Variants in GBP4 observed in about 807,000 individuals in gnomAD.
GBP4 encodes guanylate-binding protein 4.
In GBP4, 69 loss-of-function variants were observed where a neutral mutation model predicts 62.2. The observed-to-expected ratio is 1.11, with a 90% CI of 0.91 to 1.36. GBP4 has a LOEUF of 1.36. Ranked by LOEUF, GBP4 falls within the 40% of genes most tolerant of loss-of-function variation. GBP4 has a pLI of 0.00. For synonymous variants in GBP4, 278 were observed against 274.6 expected, an observed-to-expected ratio of 1.01 and a Z score of -0.12; for missense variants, 697 against 759.3, an observed-to-expected ratio of 0.92 and a Z score of 0.96.
Position 89,185,255 on chromosome 1 carries a change from TAAA to T in GBP4, c.1919_1921del (p.Ile640_Ter641delinsLys). 6.3e-7 allele frequency: 1 copy of T among 1,579,684 alleles called. No homozygotes were observed. Among genetic ancestry groups the T allele is most frequent in the South Asian group, 1.1e-5 (1 of 89,716 alleles). On this transcript the variant is annotated stop_lost and inframe_deletion, in exon 11 of 11. Transcript: ENST00000355754. ...TTCTTACCTGGAATATTCAGGCTCT[TAAA>T]TACGTGAGCCAAGATATTTTGTCCC...
At chr1:89,189,112 C>T (rs1403726736) in intron 7 of GBP4, among the ~76,000 whole-genome samples, 1 of 152,138 alleles carries the variant, frequency 6.6e-6, no homozygotes, top group East Asian at 1.9e-4. Flanking sequence ...TGAATTCTGG[C>T]TGGAAGCAAA....
chr1:89,191,311 G>A lies in GBP4; in HGVS notation c.866C>T (p.Thr289Ile), dbSNP rs757864299. The change falls in exon 6 of 11, where the codon ACC (threonine) becomes ATC (isoleucine). Residue 289 changes from threonine to isoleucine, a missense_variant. By Grantham distance (89) the Thr-to-Ile change is moderately conservative. Around this residue, in one of 2 missense-constraint regions of GBP4, gnomAD observed 556 missense variants for 562.7 expected, o/e 0.99. Coordinates refer to ENST00000355754, the MANE Select transcript of GBP4 (RefSeq NM_052941.5). ...QSDNFCSYIF[T>I]HAKTKTLREG... ...TCTCAGGGTCTTGGTCTTTGCATGGGTGAAGATATAAGAACAGAAGTTGTC... is the reference window on the plus strand; with the variant it reads ...TCTCAGGGTCTTGGTCTTTGCATGGATGAAGATATAAGAACAGAAGTTGTC... The A allele has an allele frequency of 3.7e-6, 6 of 1,614,198 alleles. No homozygotes were observed. Among genetic ancestry groups the A allele is most frequent in the Non-Finnish European group, 5.1e-6 (6 of 1,180,020 alleles).
intron 2 of GBP4, among the ~76,000 whole-genome samples, chr1:89,195,702 T>A (rs971804988): frequency 2.0e-5 from 3 of 152,166 alleles, no homozygotes; most frequent in African/African-American, 4.8e-5. Flanking sequence ...AAGAAATGGC[T>A]GCATGGTCTT....
chr1:89,193,599 G>T (rs747180930), intron 3 of GBP4, among the ~76,000 whole-genome samples, 187 bp from the exon 4 acceptor site: 8 of 152,096 alleles, frequency 5.3e-5, no homozygotes, highest in Non-Finnish European at 1.2e-4. Context: ...CAGGCTATCG[G>T]TTCATTTAGC....
intron 5 of GBP4, among the ~76,000 whole-genome samples, chr1:89,191,966 T>G (rs539510989): frequency 6.6e-6 from 1 of 152,150 alleles, no homozygotes; most frequent in South Asian, 2.1e-4. Context: ...GATACCCAAG[T>G]CAGTAATAAA....
chr1:89,187,698 G>A lies in GBP4; in HGVS notation c.1411-596C>T, dbSNP rs141200248. 1.7e-3 allele frequency among the ~76,000 whole-genome samples: 264 copies of A among 152,176 alleles called. 1 individual carries two copies. Among genetic ancestry groups the A allele is most frequent in the African/African-American group, 6.0e-3 (251 of 41,530 alleles). ...GAGCAAAGAAACTAAATAGACTTTC[G>A]TCAAAAGAAGACCTGGCCAACAGGT... On this transcript the variant is annotated intron_variant, in intron 8 of 10. Transcript: ENST00000355754.
intron 4 of GBP4, 56 bp downstream of exon 4, chr1:89,193,246 TC>T: frequency 6.4e-7 from 1 of 1,560,786 alleles, no homozygotes; most frequent in African/African-American, 1.4e-5. Flanking sequence ...AGACACAGTA[TC>T]AATTCCCATT....
At chr1:89,191,142 TCTC>T in intron 6 of GBP4, 116 bp downstream of exon 6, 1 of 1,183,574 alleles carries the variant, frequency 8.4e-7, no homozygotes, top group East Asian at 2.4e-5. Flanking sequence ...GCAATGAACA[TCTC>T]CTTCTCTGCA....
intron 3 of GBP4, among the ~76,000 whole-genome samples, chr1:89,194,680 T>C (rs1218952506): frequency 1.3e-5 from 2 of 152,236 alleles, no homozygotes; most frequent in African/African-American, 4.8e-5. Context: ...ATATTCTTTG[T>C]GGGTCTAATT....
Position 89,188,436 on chromosome 1 carries a change from G to A in GBP4, c.1410+146C>T, listed in dbSNP as rs1054240525. 1.2e-5 allele frequency: 8 copies of A among 695,644 alleles called. No individual in the cohort carries two copies. The African/African-American group carries it at 1.2e-4, about 11-fold the overall frequency. 43.1% of individuals were successfully genotyped at this position (695,644 alleles called of 1,614,324 possible). Reference sequence around the variant, plus strand: ...ATTTCTTAAGAGTGTCTAACTAACTGTGGATTTAAATACTAAAAAACTCAA... The same window carrying A: ...ATTTCTTAAGAGTGTCTAACTAACTATGGATTTAAATACTAAAAAACTCAA... On this transcript the variant is annotated intron_variant, in intron 8 of 10. Transcript: ENST00000355754.
At chr1:89,193,242 A>G in intron 4 of GBP4, 61 bp downstream of exon 4, 1 of 1,554,192 alleles carries the variant, frequency 6.4e-7, no homozygotes, top group Non-Finnish European at 8.9e-7. Context: ...AAGAAGACAC[A>G]GTATCAATTC....
chr1:89,193,322 G>T lies in GBP4; in HGVS notation c.454C>A (p.Gln152Lys). The T allele has an allele frequency of 6.2e-7, 1 of 1,614,076 alleles. No homozygotes were observed. The highest frequency in any genetic ancestry group is 8.5e-7 in the Non-Finnish European group (1 of 1,180,002). Residue 152 changes from glutamine to lysine, a missense_variant, in exon 4 of 11, where the codon CAG (glutamine) becomes AAG (lysine). This residue lies in a region of GBP4 where 556 missense variants were observed against 562.7 expected (regional missense o/e 0.99). Coordinates refer to ENST00000355754, the MANE Select transcript of GBP4 (RefSeq NM_052941.5). ...GGATACTGCAGCTGCTCCAGGGCCT[G>T]GTGGTTGATGGTGCTCACGCTGTTA... ...VYNSVSTINHQALEQLHYVTE... is the reference protein window; with the variant it reads ...VYNSVSTINHKALEQLHYVTE...
In GBP4 at chr1:89,185,434, C is replaced by G. The variant is rs1648010336; in HGVS notation, c.1743G>C (p.Lys581Asn). The G allele has an allele frequency of 1.3e-6, 2 of 1,570,418 alleles. No homozygotes were observed. The highest frequency in any genetic ancestry group is 2.7e-5 in the African/African-American group (2 of 73,988). Residue 581 changes from lysine to asparagine, a missense_variant, in exon 11 of 11, where the codon AAG (lysine) becomes AAC (asparagine). Lys to Asn is a moderately conservative substitution (Grantham distance 94, BLOSUM62 0). Transcript: ENST00000355754. The stretch of plus-strand genomic sequence containing the variant: ...TCTCTTTATTTAACTGCTCAGATTT[C>G]TTTTGAAATTCTTCCTTAAGCATTT... ...QEEMLKEEFQ[K>N]KSEQLNKEIN...
rs1263393232 is a variant in GBP4, at chr1:89,193,289, T to C, written c.473+14A>G. On this transcript the variant is annotated intron_variant, in intron 4 of 10. Coordinates refer to ENST00000355754, the MANE Select transcript of GBP4 (RefSeq NM_052941.5). ...AACCCCATAAAACCTGCTCTTCACT[T>C]CCCAGAAGGATACTGCAGCTGCTCC... 1 of 1,611,962 alleles carries C rather than the reference T, an allele frequency of 6.2e-7. No homozygotes were observed. Among genetic ancestry groups the C allele is most frequent in the East Asian group, 2.2e-5 (1 of 44,874 alleles).
rs146406678 is a variant in GBP4 at position 89,183,773 on chromosome 1, G to A, written c.*1481C>T. 1,001 of 152,330 alleles carry A rather than the reference G, an allele frequency of 6.6e-3. 8 individuals are homozygous for A. The highest frequency in any genetic ancestry group is 0.011 in the Non-Finnish European group (716 of 68,076). 9.4% of individuals were successfully genotyped at this position (152,330 alleles called of 1,614,324 possible). On this transcript the variant is annotated 3_prime_UTR_variant, in exon 11 of 11. Transcript: ENST00000355754. ...TAAGCACCTGTAGTCCCAGCTATGT[G>A]GGGGGTTGAGGTGAAAGGACTGCTT... is the stretch of plus-strand genomic sequence containing the variant.
At position 89,190,150 on chromosome 1, in the gene GBP4, T is replaced by A. The variant is rs565623766; in HGVS notation, c.1085A>T (p.Asp362Val). Residue 362 changes from aspartate to valine, a missense_variant, in exon 7 of 11, where the codon GAC becomes GTC. Around this residue, in one of 2 missense-constraint regions of GBP4, gnomAD observed 556 missense variants for 562.7 expected, o/e 0.99. Coordinates refer to ENST00000355754, the MANE Select transcript of GBP4 (RefSeq NM_052941.5). ...CACGTCCAGCAGCTCCTGGAGCGTG[T>A]CTGTGGGGAGCCTCAGTTGCTGGGC... ...QMAQQLRLPT[D>V]TLQELLDVHA... The A allele has an allele frequency of 6.2e-7, 1 of 1,614,152 alleles. No individual in the cohort carries two copies. Among genetic ancestry groups the A allele is most frequent in the South Asian group, 1.1e-5 (1 of 91,082 alleles).
Position 89,184,906 on chromosome 1 carries a change from G to A in GBP4, c.*348C>T, listed in dbSNP as rs1179531654. 5.7e-6 allele frequency: 1 copy of A among 174,702 alleles called. No homozygotes were observed. The highest frequency in any genetic ancestry group is 1.2e-5 in the Non-Finnish European group (1 of 83,590). 10.8% of individuals were successfully genotyped at this position (174,702 alleles called of 1,614,324 possible). A position where few individuals can be genotyped will look rare whatever the true frequency, so the allele number is the denominator to read the frequency against. ...CTGCTCTCTTCTCATTAATCGGCAA[G>A]AGCTAGTCATAACTGAAATTATTTC... On this transcript the variant is annotated 3_prime_UTR_variant, in exon 11 of 11. Transcript: ENST00000355754.
rs1274640199 is a variant in GBP4 at position 89,186,327 on chromosome 1, A to G, written c.1707+6T>C. ...TCAGGCACTGCCATTCTTCACGGAG[A>G]CTCACCTTCAGCTTGTGTTTTAGCA... On this transcript the variant is annotated splice_donor_region_variant and intron_variant, in intron 10 of 10. Transcript: ENST00000355754. 11 of 1,611,026 alleles carry G rather than the reference A, an allele frequency of 6.8e-6. No homozygotes were observed. Among genetic ancestry groups the G allele is most frequent in the Non-Finnish European group, 9.3e-6 (11 of 1,177,910 alleles).
intron 8 of GBP4, among the ~76,000 whole-genome samples, chr1:89,187,412 C>A (rs1648065075): frequency 6.6e-6 from 1 of 152,098 alleles, no homozygotes; most frequent in South Asian, 2.1e-4. Context: ...GGCAGTTCTA[C>A]AAATACACAT....
Sources: gnomAD v4.1 joint callset for allele counts (sites outside exome capture counted in the v4.1 genomes callset) on GRCh38, gnomAD v4.1.1 for gene constraint, gnomAD v4.1.1 regional missense constraint, MANE v1.5 for transcripts, NCBI Gene and HGNC (gene_info 2026-07-23, HGNC 2026-07-21) for gene names.